Variants in GRIK4 observed in about 807,000 individuals in gnomAD.
GRIK4 encodes glutamate ionotropic receptor kainate type subunit 4, also known as glutamate receptor ionotropic, kainate 4.
In GRIK4, 40 loss-of-function variants were observed where a neutral mutation model predicts 104.9. The ratio of observed to expected loss-of-function variants is 0.38; its 90% CI spans 0.30 to 0.50. The LOEUF (loss-of-function observed/expected upper bound fraction) is 0.50. Among genes scored for constraint, GRIK4 ranks in the 20% least tolerant of loss-of-function variants. The probability of loss-of-function intolerance (pLI) is 0.93; values close to 1 mark genes in which losing one functional copy is unlikely to be tolerated. For synonymous variants in GRIK4, 485 were observed against 524.9 expected, an observed-to-expected ratio of 0.92 and a Z score of 1.04; for missense variants, 1,047 against 1,308.1, an observed-to-expected ratio of 0.80 and a Z score of 3.08.
At chr11:120,830,973 A>G (rs1591967811) in intron 6 of GRIK4, among the ~76,000 whole-genome samples, 1 of 151,052 alleles carries the variant, frequency 6.6e-6, no homozygotes, top group Non-Finnish European at 1.5e-5. Context: ...TCTCAGTGAC[A>G]TCATTCTGGA....
At chr11:120,888,835 G>C (rs1054994501) in intron 11 of GRIK4, among the ~76,000 whole-genome samples, 9 of 152,180 alleles carry the variant, frequency 5.9e-5, no homozygotes, top group African/African-American at 2.2e-4. Context: ...TGCATGTCTT[G>C]ACCCACTGAA....
chr11:120,716,271 TCTCA>T (rs755583341), intron 3 of GRIK4, among the ~76,000 whole-genome samples: 117 of 151,700 alleles, frequency 7.7e-4, no homozygotes, highest in Non-Finnish European at 1.6e-3. Flanking sequence ...CGGGATGGAG[TCTCA>T]CTCTGTTGCC....
At position 120,945,599 on chromosome 11, in the gene GRIK4, A is replaced by G. The variant is rs1943839982; in HGVS notation, c.1590+5139A>G. On this transcript the variant is annotated intron_variant, in intron 14 of 20. Coordinates refer to ENST00000527524, the MANE Select transcript of GRIK4 (RefSeq NM_014619.5). ...CTGAGCCCCAGGAACCTGAGATTCT[A>G]TTAGGGAACCTTACAGGGCCAGTAT... is the stretch of plus-strand genomic sequence containing the variant. 2.6e-5 allele frequency among the ~76,000 whole-genome samples: 4 copies of G among 152,182 alleles called. No individual in the cohort carries two copies. In the South Asian group the frequency reaches 8.3e-4, roughly 31 times the overall value.
chr11:120,662,638 G>A (rs1949835655), intron 3 of GRIK4, among the ~76,000 whole-genome samples: 1 of 152,140 alleles, frequency 6.6e-6, no homozygotes, highest in Admixed American at 6.5e-5. Flanking sequence ...CGTTAACTGT[G>A]CTGGGGTCTC....
chr11:120,830,016 TA>T (rs1953378400), intron 6 of GRIK4, among the ~76,000 whole-genome samples: 1 of 152,030 alleles, frequency 6.6e-6, no homozygotes, highest in African/African-American at 2.4e-5. Flanking sequence ...AGCATCTTAA[TA>T]AATAACAGGC....
chr11:120,832,129 C>A (rs1953447295), intron 7 of GRIK4, 99 bp downstream of exon 7: 2 of 758,786 alleles, frequency 2.6e-6, no homozygotes, highest in South Asian at 1.9e-5. Flanking sequence ...GAGCCCCGGG[C>A]TGGACCTGAA....
chr11:120,895,534 A>G (rs1942554358), intron 11 of GRIK4, among the ~76,000 whole-genome samples: 2 of 152,178 alleles, frequency 1.3e-5, no homozygotes. Flanking sequence ...GGACTTCTTA[A>G]TGGAATGGCC....
intron 8 of GRIK4, among the ~76,000 whole-genome samples, chr11:120,839,759 C>T (rs1240887400): frequency 6.6e-6 from 1 of 152,200 alleles, no homozygotes; most frequent in Non-Finnish European, 1.5e-5. Flanking sequence ...CCATACCTCA[C>T]TCCCATCCAG....
At chr11:120,962,917 CTGAT>C (rs766635974) in intron 18 of GRIK4, 117 of 423,978 alleles carry the variant, frequency 2.8e-4, no homozygotes, top group Non-Finnish European at 4.2e-4. Flanking sequence ...TGATTAGTTA[CTGAT>C]TGATTAATTG....
intron 8 of GRIK4, chr11:120,859,357 G>A (rs547936733): frequency 5.3e-5 from 8 of 152,306 alleles, no homozygotes; most frequent in African/African-American, 1.9e-4. Flanking sequence ...GAAGGTTACA[G>A]ACCTTGCCGA....
intron 1 of GRIK4, among the ~76,000 whole-genome samples, chr11:120,548,462 G>C (rs1948108214): frequency 6.6e-6 from 1 of 152,120 alleles, no homozygotes; most frequent in South Asian, 2.1e-4. Flanking sequence ...TGTGGTCAGA[G>C]AAGTGCAGGG....
chr11:120,610,645 A>T (rs1949024895), intron 1 of GRIK4, among the ~76,000 whole-genome samples: 1 of 152,146 alleles, frequency 6.6e-6, no homozygotes, highest in Admixed American at 6.5e-5. Context: ...GCATGCCCAG[A>T]AGACAGTGCA....
intron 8 of GRIK4, among the ~76,000 whole-genome samples, chr11:120,854,427 G>T (rs1358901056): frequency 6.6e-6 from 1 of 152,228 alleles, no homozygotes; most frequent in African/African-American, 2.4e-5. Flanking sequence ...GTTAACACTT[G>T]GAGAGATTTC....
chr11:120,733,385 G>A (rs1951171875), intron 3 of GRIK4, among the ~76,000 whole-genome samples: 1 of 149,510 alleles, frequency 6.7e-6, no homozygotes, highest in Non-Finnish European at 1.5e-5. Flanking sequence ...TTTTTTTTGT[G>A]ATCTTCTTGT....
At chr11:120,577,348 G>C (rs1252963642) in intron 1 of GRIK4, among the ~76,000 whole-genome samples, 1 of 152,100 alleles carries the variant, frequency 6.6e-6, no homozygotes, top group African/African-American at 2.4e-5. Context: ...GAGGGCAGAA[G>C]TCCTATGGGA....
chr11:120,704,649 C>T (rs1950601230), intron 3 of GRIK4, among the ~76,000 whole-genome samples: 2 of 151,722 alleles, frequency 1.3e-5, no homozygotes, highest in African/African-American at 2.4e-5. Context: ...AGGGCTGGGG[C>T]ATGGTATGTG....
chr11:120,942,298 A>G (rs894776714), intron 14 of GRIK4, among the ~76,000 whole-genome samples: 43 of 152,112 alleles, frequency 2.8e-4, no homozygotes, highest in African/African-American at 1.0e-3. Context: ...CCATCGTTAC[A>G]TCTGTTGGTA....
intron 11 of GRIK4, among the ~76,000 whole-genome samples, chr11:120,892,624 G>A (rs890838991): frequency 1.3e-5 from 2 of 152,150 alleles, no homozygotes; most frequent in African/African-American, 4.8e-5. Flanking sequence ...GAGGACCCCT[G>A]TGGTCCTGGC....
intron 1 of GRIK4, among the ~76,000 whole-genome samples, chr11:120,542,273 C>T (rs183205757): frequency 1.1e-4 from 17 of 152,280 alleles, no homozygotes; most frequent in Admixed American, 1.0e-3. Flanking sequence ...GAAATTGGAC[C>T]TATATCTTAT....
Sources: gnomAD v4.1 joint callset for allele counts (sites outside exome capture counted in the v4.1 genomes callset) on GRCh38, gnomAD v4.1.1 for gene constraint, MANE v1.5 for transcripts, NCBI Gene and HGNC (gene_info 2026-07-23, HGNC 2026-07-21) for gene names.